CNTLN: variants seen among roughly 807,000 people sequenced by gnomAD.
CNTLN encodes the protein centlein, centrosomal protein.
CNTLN carries 212 observed loss-of-function variants against 180.0 expected under a neutral mutation model. The ratio of observed to expected loss-of-function variants is 1.18; its 90% confidence interval spans 1.05 to 1.32. The LOEUF is 1.32. CNTLN is among the 40% of genes most tolerant of loss of function. CNTLN has a pLI of 0.00. For missense variants in CNTLN, 2,095 were observed against 1,610.9 expected (o/e 1.30, Z -5.14); for synonymous variants, 722 against 563.1 (o/e 1.28, Z -3.99).
Position 17,503,467 on chromosome 9 carries a change from T to TG in CNTLN, c.*815_*816insG, listed in dbSNP as rs1833852376. The stretch of plus-strand genomic sequence containing the variant: ...TTCCTGCCATACCCTTTTTGGTTCC[T>TG]CTAATTCACCATACTGGTGCCTGCC... On this transcript the variant is annotated 3_prime_UTR_variant, in exon 26 of 26. Coordinates refer to ENST00000380647, the MANE Select transcript of CNTLN (RefSeq NM_017738.4). 1.3e-5 allele frequency: 2 copies of TG among 152,342 alleles called. No individual in the cohort carries two copies. Among genetic ancestry groups the TG allele is most frequent in the East Asian group, 3.9e-4 (2 of 5,180 alleles). The allele number at this position is 152,342 out of a possible 1,614,324, so 9.4% of individuals were successfully genotyped here. A position where few individuals can be genotyped will look rare whatever the true frequency, so the allele number is the denominator to read the frequency against.
At position 17,388,150 on chromosome 9, in the gene CNTLN, A is replaced by T. The variant is rs1825828546; in HGVS notation, c.1988-12A>T. 6.4e-7 allele frequency: 1 copy of T among 1,560,838 alleles called. No homozygotes were observed. Among genetic ancestry groups the T allele is most frequent in the African/African-American group, 1.4e-5 (1 of 73,946 alleles). The stretch of plus-strand genomic sequence containing the variant: ...CACGTGGTATCATAATATATTATTT[A>T]TTCTCTACCAGAACAGCTCTTTAGA... On this transcript the variant is annotated splice_polypyrimidine_tract_variant and intron_variant, in intron 13 of 25. Transcript: ENST00000380647.
Position 17,308,833 on chromosome 9 carries a change from T to TA in CNTLN, c.1147-224dup, listed in dbSNP as rs563309008. Among the ~76,000 whole-genome samples, 227 of 151,810 alleles carry TA rather than the reference T, an allele frequency of 1.5e-3. 1 individual carries two copies. The highest frequency in any genetic ancestry group is 5.3e-3 in the African/African-American group (220 of 41,534). ...CCTTTTTAACATATTTTCTAGTTTT[T>TA]ATCACATTTTAAATGTTAAAAAATT... On this transcript the variant is annotated intron_variant, in intron 7 of 25. Coordinates refer to ENST00000380647, the MANE Select transcript of CNTLN (RefSeq NM_017738.4).
chr9:17,242,060 A>C (rs1825527891), intron 5 of CNTLN, among the ~76,000 whole-genome samples: 1 of 152,116 alleles, frequency 6.6e-6, no homozygotes, highest in Non-Finnish European at 1.5e-5. Context: ...TGATTGCTCT[A>C]GGGCTTCCAG....
chr9:17,229,865 A>G lies in CNTLN; in HGVS notation c.534+3578A>G, dbSNP rs182318745. Reference sequence around the variant, plus strand: ...GGCTGTCTCCACTGTTCGCTGTGGTATGAGTTAGAGGCAGAACTCTGGTAT... The same window carrying G: ...GGCTGTCTCCACTGTTCGCTGTGGTGTGAGTTAGAGGCAGAACTCTGGTAT... On this transcript the variant is annotated intron_variant, in intron 3 of 25. Coordinates refer to ENST00000380647, the MANE Select transcript of CNTLN (RefSeq NM_017738.4). Among the ~76,000 whole-genome samples, 8 of 152,264 alleles carry G rather than the reference A, an allele frequency of 5.3e-5. No homozygotes were observed. In the East Asian group the frequency reaches 1.5e-3, roughly 29 times the overall value.
At chr9:17,290,875 G>A (rs972174107) in intron 6 of CNTLN, among the ~76,000 whole-genome samples, 1 of 152,206 alleles carries the variant, frequency 6.6e-6, no homozygotes, top group Non-Finnish European at 1.5e-5. Context: ...GCTCGCGCAT[G>A]GTGCGTGCAC....
intron 23 of CNTLN, among the ~76,000 whole-genome samples, chr9:17,474,310 TC>T (rs1480752449): frequency 6.6e-6 from 1 of 152,198 alleles, no homozygotes; most frequent in Non-Finnish European, 1.5e-5. Flanking sequence ...TTTTTCTCTA[TC>T]CCAGAACAAT....
intron 5 of CNTLN, among the ~76,000 whole-genome samples, chr9:17,263,200 A>G (rs1310989727): frequency 3.1e-5 from 1 of 32,600 alleles, no homozygotes; most frequent in Non-Finnish European, 5.8e-5. Flanking sequence ...CCCTCCCCCC[A>G]CCCCACAACA....
chr9:17,397,117 T>G (rs935361059), intron 15 of CNTLN, among the ~76,000 whole-genome samples: 1 of 152,196 alleles, frequency 6.6e-6, no homozygotes, highest in African/African-American at 2.4e-5. Context: ...CAAATATGTA[T>G]GTATGAATAA....
intron 2 of CNTLN, among the ~76,000 whole-genome samples, chr9:17,159,575 T>G (rs1196491652): frequency 6.6e-6 from 1 of 152,156 alleles, no homozygotes; most frequent in Non-Finnish European, 1.5e-5. Flanking sequence ...CACTGCTCAA[T>G]TGCACTTGCG....
intron 12 of CNTLN, among the ~76,000 whole-genome samples, chr9:17,360,705 A>G (rs2133383305): frequency 6.6e-6 from 1 of 152,272 alleles, no homozygotes; most frequent in East Asian, 1.9e-4. Context: ...CTTTAGTTTC[A>G]ACTATTTTGG....
In CNTLN at chr9:17,295,985, AGAGAGAGAGAGAGTGTGTGTGTGTGT is replaced by A. The variant is rs1333835712; in HGVS notation, c.984-2203_984-2178del. On this transcript the variant is annotated intron_variant, in intron 6 of 25. Transcript: ENST00000380647. Reference sequence around the variant, plus strand: ...ACTCTTCAGTGAGAGAGAGAGAGAGAGAGAGAGAGAGAGTGTGTGTGTGTGTGTGTGTGTGTGTGTGTGTGTGTGTG... The same window carrying A: ...ACTCTTCAGTGAGAGAGAGAGAGAGAGTGTGTGTGTGTGTGTGTGTGTGTG... Among the ~76,000 whole-genome samples the A allele has an allele frequency of 3.8e-4, 38 of 99,692 alleles. No individual in the cohort carries two copies. In the South Asian group the frequency reaches 4.3e-3, roughly 11 times the overall value. 65.4% of individuals were successfully genotyped at this position (99,692 alleles called of 152,430 possible). A position where few individuals can be genotyped will look rare whatever the true frequency, so the allele number is the denominator to read the frequency against.
At chr9:17,402,543 T>G (rs1827063829) in intron 15 of CNTLN, among the ~76,000 whole-genome samples, 1 of 151,874 alleles carries the variant, frequency 6.6e-6, no homozygotes, top group South Asian at 2.1e-4. Context: ...TTATGTGTTT[T>G]TGGATGAGAT....
chr9:17,193,521 C>T (rs1393570927), intron 2 of CNTLN, among the ~76,000 whole-genome samples: 4 of 152,118 alleles, frequency 2.6e-5, no homozygotes, highest in African/African-American at 4.8e-5. Context: ...AAAATTATGT[C>T]CTTTGACTCC....
chr9:17,342,954 C>T (rs1821603133), intron 12 of CNTLN, among the ~76,000 whole-genome samples: 1 of 152,168 alleles, frequency 6.6e-6, no homozygotes, highest in Admixed American at 6.5e-5. Context: ...GCAGAACTGC[C>T]TGTTAAGGGT....
At chr9:17,516,727 G>A in the CNTLN span, among the ~76,000 whole-genome samples, 4 of 152,098 alleles carry the variant, frequency 2.6e-5, no homozygotes, top group African/African-American at 9.7e-5. Flanking sequence ...TCACATAGAC[G>A]GGTGGAAGGT....
At chr9:17,417,403 C>G (rs1316393415) in intron 18 of CNTLN, among the ~76,000 whole-genome samples, 1 of 151,758 alleles carries the variant, frequency 6.6e-6, no homozygotes, top group African/African-American at 2.4e-5. Context: ...TATCTGTATT[C>G]CTAGGTTTTT....
At chr9:17,293,846 C>T (rs1023320950) in intron 6 of CNTLN, among the ~76,000 whole-genome samples, 2 of 152,078 alleles carry the variant, frequency 1.3e-5, no homozygotes, top group South Asian at 4.1e-4. Flanking sequence ...CACTTGGGAC[C>T]CAAGGCCCTG....
chr9:17,236,638 C>G (rs896005271), intron 5 of CNTLN, 50 bp downstream of exon 5: 2 of 1,454,624 alleles, frequency 1.4e-6, no homozygotes, highest in South Asian at 1.3e-5. Flanking sequence ...CTAACTTTTT[C>G]TAGGAAGTTT....
At chr9:17,225,033 C>T (rs1824376406) in intron 2 of CNTLN, among the ~76,000 whole-genome samples, 1 of 151,908 alleles carries the variant, frequency 6.6e-6, no homozygotes, top group Admixed American at 6.6e-5. Context: ...TTTAAATTGT[C>T]AATCTCACCC....
Sources: gnomAD v4.1 joint callset for allele counts (sites outside exome capture counted in the v4.1 genomes callset) on GRCh38, gnomAD v4.1.1 for gene constraint, MANE v1.5 for transcripts, NCBI Gene and HGNC (gene_info 2026-07-23, HGNC 2026-07-21) for gene names.